AMOT: variants seen among roughly 807,000 people sequenced by gnomAD.
AMOT encodes the protein angiomotin.
A neutral mutation model predicts 67.0 loss-of-function variants in AMOT; 11 were observed. The ratio of observed to expected loss-of-function variants is 0.16; its 90% confidence interval spans 0.10 to 0.27. The LOEUF is 0.27. Among genes scored for constraint, AMOT ranks in the 10% least tolerant of loss-of-function variants. The probability of loss-of-function intolerance (pLI) is 1.00; values close to 1 mark genes in which losing one functional copy is unlikely to be tolerated. For synonymous variants in AMOT, 326 were observed against 321.4 expected (o/e 1.01, Z -0.15); for missense variants, 753 against 852.0 (o/e 0.88, Z 1.45).
chrX:112,822,395 G>A lies in AMOT; in HGVS notation c.732C>T (p.Phe244=). The change falls in exon 4 of 14, where the codon TTC becomes TTT. Residue 244 remains phenylalanine (F), a synonymous_variant. Coordinates refer to ENST00000371959, the MANE Select transcript of AMOT (RefSeq NM_001113490.2). ...EHRGPPPEYP[F]KGMPPQSVVC... is the part of the protein sequence containing the mutation. ...CTACAGATTGGGGTGGCATGCCCTT[G>A]AAGGGATATTCTGGTGGGGGGCCTC... The A allele has an allele frequency of 8.6e-7, 1 of 1,167,726 alleles. No homozygotes were observed. Among genetic ancestry groups the A allele is most frequent in the South Asian group, 1.9e-5 (1 of 52,617 alleles).
chrX:112,805,144 T>C, intron 7 of AMOT, 52 bp from the exon 8 acceptor site: 1 of 1,192,395 alleles, frequency 8.4e-7, no homozygotes, highest in Non-Finnish European at 1.1e-6. Flanking sequence ...GCTCAAAGCC[T>C]TACCTGAGCA....
At chrX:112,790,977 G>C (rs930522602) in intron 9 of AMOT, among the ~76,000 whole-genome samples, 195 bp from the exon 10 acceptor site, 1 of 111,462 alleles carries the variant, frequency 9.0e-6, no homozygotes, top group African/African-American at 3.3e-5. Flanking sequence ...GGTTCCCTTG[G>C]CCAGGAAAGG....
intron 4 of AMOT, 62 bp downstream of exon 4, chrX:112,822,192 CA>C: frequency 1.9e-6 from 2 of 1,067,055 alleles, no homozygotes; most frequent in Non-Finnish European, 2.4e-6. Context: ...CTAAGATTCC[CA>C]ACACACAGCA....
chrX:112,794,475 A>G (rs1056936947), intron 8 of AMOT, among the ~76,000 whole-genome samples: 1 of 111,778 alleles, frequency 8.9e-6, no homozygotes, highest in Non-Finnish European at 1.9e-5. Flanking sequence ...CAACTCACCC[A>G]TAAACATCAT....
intron 8 of AMOT, among the ~76,000 whole-genome samples, chrX:112,804,458 G>C (rs1349862508): frequency 1.8e-5 from 2 of 111,715 alleles, no homozygotes; most frequent in Non-Finnish European, 3.8e-5. Context: ...CACTAAGCCT[G>C]GGTAGACAAG....
chrX:112,782,209 T>G (rs1161976215), intron 11 of AMOT, among the ~76,000 whole-genome samples: 1 of 112,177 alleles, frequency 8.9e-6, no homozygotes, highest in African/African-American at 3.2e-5. Context: ...TCTTTTACTC[T>G]TTTATTAAGC....
At chrX:112,832,007 T>C (rs1472894849) in intron 2 of AMOT, among the ~76,000 whole-genome samples, 1 of 111,214 alleles carries the variant, frequency 9.0e-6, no homozygotes, top group African/African-American at 3.3e-5. Flanking sequence ...AGAAGTTAAC[T>C]CTCACCTTTT....
At chrX:112,832,550 A>C (rs1449543943) in intron 1 of AMOT, among the ~76,000 whole-genome samples, 180 bp from the exon 2 acceptor site, 1 of 112,119 alleles carries the variant, frequency 8.9e-6, no homozygotes, top group East Asian at 2.8e-4. Flanking sequence ...GTTCTAAGAC[A>C]TAACCCTCCA....
intron 8 of AMOT, among the ~76,000 whole-genome samples, chrX:112,795,076 G>C (rs1015319460): frequency 8.9e-6 from 1 of 111,827 alleles, no homozygotes; most frequent in African/African-American, 3.3e-5. Context: ...TAGCTGCAAG[G>C]ATACTGCATT....
chrX:112,789,345 T>C (rs1015866658), intron 10 of AMOT, among the ~76,000 whole-genome samples: 2 of 111,384 alleles, frequency 1.8e-5, no homozygotes, highest in African/African-American at 6.5e-5. Flanking sequence ...TGCACTCTAT[T>C]GCCACACTGG....
chrX:112,805,130 G>A, intron 7 of AMOT, 38 bp from the exon 8 acceptor site: 3 of 1,207,341 alleles, frequency 2.5e-6, no homozygotes, highest in African/African-American at 1.7e-5. Flanking sequence ...CCAGCCTGGA[G>A]CTAGCTCAAA....
At chrX:112,838,808 T>TA (rs1283864480) in intron 1 of AMOT, among the ~76,000 whole-genome samples, 2 of 112,503 alleles carry the variant, frequency 1.8e-5, no homozygotes, top group Non-Finnish European at 3.7e-5. Flanking sequence ...CTTACAATTT[T>TA]ACAAAGCCAC....
Position 112,829,987 on chromosome X carries a change from A to G in AMOT, c.-212+2307T>C, listed in dbSNP as rs1479446735. ...AATTAGATGGAGCCTAAAATGAGAA[A>G]AGTTTAAGAATATACCTAGAAGCTG... On this transcript the variant is annotated intron_variant, in intron 2 of 13. Coordinates refer to ENST00000371959, the MANE Select transcript of AMOT (RefSeq NM_001113490.2). 3.6e-5 allele frequency among the ~76,000 whole-genome samples: 4 copies of G among 111,925 alleles called. No homozygotes were observed. The Admixed American group carries it at 3.8e-4, about 11-fold the overall frequency.
chrX:112,788,320 G>C (rs761689984), intron 10 of AMOT, among the ~76,000 whole-genome samples: 3 of 109,435 alleles, frequency 2.7e-5, no homozygotes, highest in Non-Finnish European at 5.7e-5. Context: ...TGAAAGAAAA[G>C]AAAATATAAA....
At chrX:112,812,764 A>G (rs1934410685) in intron 5 of AMOT, among the ~76,000 whole-genome samples, 1 of 112,094 alleles carries the variant, frequency 8.9e-6, no homozygotes, top group Non-Finnish European at 1.9e-5. Flanking sequence ...CAGGGAAGAA[A>G]TATCAGGCCC....
At position 112,822,968 on chromosome X, in the gene AMOT, C is replaced by T. The variant is rs1934753434; in HGVS notation, c.159G>A (p.Gly53=). Residue 53 remains glycine (G), a synonymous_variant, in exon 4 of 14, where the codon GGG becomes GGA. Transcript: ENST00000371959. The stretch of plus-strand genomic sequence containing the variant: ...ACACATCACTCTGAGGGCCCGGGTT[C>T]CCACTGCCACTGGGGAAAGGAGGGC... ...GNGPPFPSGS[G]NPGPQSDVLS... 8.6e-7 allele frequency: 1 copy of T among 1,167,623 alleles called. No individual in the cohort carries two copies. The highest frequency in any genetic ancestry group is 1.1e-6 in the Non-Finnish European group (1 of 873,062).
intron 1 of AMOT, among the ~76,000 whole-genome samples, chrX:112,832,636 C>A (rs1016930051): frequency 4.5e-5 from 5 of 112,155 alleles, no homozygotes; most frequent in African/African-American, 1.6e-4. Context: ...CTGAAACACT[C>A]TAACAGTATC....
chrX:112,796,192 A>T (rs1465110937), intron 8 of AMOT, among the ~76,000 whole-genome samples: 1 of 112,009 alleles, frequency 8.9e-6, no homozygotes, highest in Non-Finnish European at 1.9e-5. Context: ...CTGTACTGTC[A>T]CATTCTTAGG....
In AMOT at chrX:112,822,493, T is replaced by A; in HGVS notation, c.634A>T (p.Thr212Ser). Residue 212 changes from threonine (T) to serine (S), a missense_variant, in exon 4 of 14, where the codon ACA becomes TCA. Thr to Ser is a moderately conservative substitution (Grantham distance 58). Coordinates refer to ENST00000371959, the MANE Select transcript of AMOT (RefSeq NM_001113490.2). ...PQPNDLYKNP[T>S]SSSEFYKAQG... ...GCCTTGTAGAATTCACTGGAACTTG[T>A]GGGATTCTTGTAGAGGTCATTGGGT... 8.6e-7 allele frequency: 1 copy of A among 1,167,614 alleles called. No homozygotes were observed. Among genetic ancestry groups the A allele is most frequent in the East Asian group, 3.3e-5 (1 of 30,743 alleles).
Sources: gnomAD v4.1 joint callset for allele counts (sites outside exome capture counted in the v4.1 genomes callset) on GRCh38, gnomAD v4.1.1 for gene constraint, MANE v1.5 for transcripts, NCBI Gene and HGNC (gene_info 2026-07-23, HGNC 2026-07-21) for gene names.